The following CBLN2 variants were observed in gnomAD, a reference collection of about 807,000 sequenced individuals.
The protein encoded by CBLN2 is cerebellin-2.
In CBLN2, 7 loss-of-function variants were observed where a neutral mutation model predicts 15.0. The observed-to-expected ratio is 0.47, with a 90% confidence interval of 0.27 to 0.88. The LOEUF (loss-of-function observed/expected upper bound fraction) is 0.88. CBLN2 is among the 40% of genes least tolerant of loss of function. The probability of loss-of-function intolerance (pLI) is 0.14; values close to 1 mark genes in which losing one functional copy is unlikely to be tolerated. For synonymous variants in CBLN2, 149 were observed against 135.2 expected (o/e 1.10, Z -0.71); for missense variants, 242 against 304.5 (o/e 0.79, Z 1.53).
At chr18:72,560,746 C>T (rs1169125819) in intron 1 of CBLN2, among the ~76,000 whole-genome samples, 12 of 152,310 alleles carry the variant, frequency 7.9e-5, no homozygotes, top group African/African-American at 2.2e-4. Context: ...TGGTGGCTCA[C>T]GCCTGTAATC....
At chr18:72,606,905 C>T (rs1286870668) in intron 1 of CBLN2, among the ~76,000 whole-genome samples, 3 of 152,228 alleles carry the variant, frequency 2.0e-5, no homozygotes, top group African/African-American at 7.2e-5. Context: ...CTCTTTCATG[C>T]ACACAGTATG....
chr18:72,570,282 GTTT>G (rs34368162), intron 1 of CBLN2, among the ~76,000 whole-genome samples: 2,869 of 133,724 alleles, frequency 0.021, 58 homozygotes, highest in African/African-American at 0.045. Flanking sequence ...TTTCTTTCTG[GTTT>G]TTTTTTTTTT....
intron 1 of CBLN2, among the ~76,000 whole-genome samples, chr18:72,627,038 TA>T (rs1437111139): frequency 6.6e-6 from 1 of 152,228 alleles, no homozygotes; most frequent in Non-Finnish European, 1.5e-5. Context: ...GAGACATCCA[TA>T]TTGTGTCAGG....
chr18:72,586,965 C>T (rs912303356), intron 1 of CBLN2, among the ~76,000 whole-genome samples: 9 of 151,746 alleles, frequency 5.9e-5, no homozygotes, highest in African/African-American at 2.2e-4. Flanking sequence ...TATATATAAA[C>T]CTGTTATCCA....
At chr18:72,596,770 G>C (rs773055311) in intron 1 of CBLN2, among the ~76,000 whole-genome samples, 15 of 152,162 alleles carry the variant, frequency 9.9e-5, no homozygotes, top group Non-Finnish European at 1.9e-4. Flanking sequence ...GGTTTCCACT[G>C]AGAAATCTGC....
At chr18:72,600,213 A>G (rs1289923581) in intron 1 of CBLN2, among the ~76,000 whole-genome samples, 1 of 152,226 alleles carries the variant, frequency 6.6e-6, no homozygotes, top group African/African-American at 2.4e-5. Flanking sequence ...TTAGTTACCA[A>G]AATTACTCAA....
intron 1 of CBLN2, among the ~76,000 whole-genome samples, chr18:72,638,087 G>A (rs940530493): frequency 4.6e-5 from 7 of 152,200 alleles, no homozygotes; most frequent in Admixed American, 1.3e-4. Flanking sequence ...ATAATGTATC[G>A]TACATGTAAG....
At chr18:72,623,540 G>A (rs1388361929) in intron 1 of CBLN2, among the ~76,000 whole-genome samples, 1 of 152,102 alleles carries the variant, frequency 6.6e-6, no homozygotes, top group Non-Finnish European at 1.5e-5. Flanking sequence ...TTTGTGGCCT[G>A]GAAGCTGTCT....
chr18:72,573,417 C>T (rs1178240864), intron 1 of CBLN2, among the ~76,000 whole-genome samples: 1 of 152,152 alleles, frequency 6.6e-6, no homozygotes, highest in Non-Finnish European at 1.5e-5. Flanking sequence ...ACCTTCCGTG[C>T]TCTGCTTATT....
intron 1 of CBLN2, among the ~76,000 whole-genome samples, chr18:72,592,026 A>C (rs1384174364): frequency 6.6e-6 from 1 of 152,052 alleles, no homozygotes; most frequent in Admixed American, 6.6e-5. Context: ...TGGAATTGGC[A>C]GCTATGTTTT....
At chr18:72,624,200 CT>C (rs879934445) in intron 1 of CBLN2, among the ~76,000 whole-genome samples, 619 of 144,282 alleles carry the variant, frequency 4.3e-3, no homozygotes, top group Middle Eastern at 7.1e-3. Flanking sequence ...CCAACCCCTT[CT>C]TTTTTTTTTT....
intron 1 of CBLN2, among the ~76,000 whole-genome samples, chr18:72,634,867 T>C (rs2069801953): frequency 6.6e-6 from 1 of 152,160 alleles, no homozygotes; most frequent in Non-Finnish European, 1.5e-5. Context: ...CTTTTGGAGA[T>C]TTGGAAAATC....
At chr18:72,618,645 G>T (rs1409015563) in intron 1 of CBLN2, 8 of 954,438 alleles carry the variant, frequency 8.4e-6, no homozygotes, top group Middle Eastern at 3.3e-4. Context: ...ATTTTGAACA[G>T]TCTGGAAAAA....
intron 1 of CBLN2, among the ~76,000 whole-genome samples, chr18:72,580,137 G>A (rs1029879677): frequency 2.6e-5 from 4 of 151,576 alleles, no homozygotes; most frequent in Non-Finnish European, 5.9e-5. Context: ...GGAAAAAATG[G>A]CATGGGTGAC....
At chr18:72,631,451 C>G (rs2069775968) in intron 1 of CBLN2, among the ~76,000 whole-genome samples, 1 of 151,912 alleles carries the variant, frequency 6.6e-6, no homozygotes, top group Non-Finnish European at 1.5e-5. Context: ...AAAAAACTTT[C>G]CCTATTTTGC....
chr18:72,570,301 TCCCGCGGCTTACTGCAGTC>T (rs2069323117), intron 1 of CBLN2, among the ~76,000 whole-genome samples: 1 of 107,782 alleles, frequency 9.3e-6, no homozygotes. Context: ...TTTTTTTTTT[TCCCGCGGCTTACTGCAGTC>T]TTTACCTCCT....
chr18:72,549,591 G>A (rs1237657105), intron 1 of CBLN2, among the ~76,000 whole-genome samples: 1 of 152,072 alleles, frequency 6.6e-6, no homozygotes, highest in African/African-American at 2.4e-5. Context: ...GTGTTTTGTG[G>A]CTACTTTCTC....
intron 1 of CBLN2, among the ~76,000 whole-genome samples, chr18:72,572,428 T>C (rs2069338270): frequency 6.6e-6 from 1 of 152,206 alleles, no homozygotes; most frequent in Non-Finnish European, 1.5e-5. Context: ...ACTACAAAAT[T>C]TAAAATAATT....
intron 1 of CBLN2, among the ~76,000 whole-genome samples, chr18:72,599,517 T>TAGTTC (rs2069534218): frequency 1.3e-5 from 2 of 152,322 alleles, no homozygotes; most frequent in South Asian, 4.1e-4. Context: ...TCACTTCCAT[T>TAGTTC]TATAGAACTA....
Sources: gnomAD v4.1 joint callset for allele counts (sites outside exome capture counted in the v4.1 genomes callset) on GRCh38, gnomAD v4.1.1 for gene constraint, MANE v1.5 for transcripts, NCBI Gene and HGNC (gene_info 2026-07-23, HGNC 2026-07-21) for gene names.